Variants in MAGI2 observed in about 807,000 individuals in gnomAD.
MAGI2 encodes membrane-associated guanylate kinase, WW and PDZ domain-containing protein 2.
A neutral mutation model predicts 133.3 loss-of-function variants in MAGI2; 35 were observed. The ratio of observed to expected loss-of-function variants is 0.26; its 90% CI spans 0.20 to 0.35. The LOEUF (loss-of-function observed/expected upper bound fraction) is 0.35. Ranked by LOEUF, MAGI2 falls within the 10% of genes least tolerant of loss-of-function variation. MAGI2 has a pLI of 1.00. For missense variants in MAGI2, 1,636 were observed against 1,863.4 expected, an observed-to-expected ratio of 0.88 and a Z score of 2.25; for synonymous variants, 729 against 710.6, an observed-to-expected ratio of 1.03 and a Z score of -0.41.
intron 3 of MAGI2, among the ~76,000 whole-genome samples, chr7:78,566,548 AAAC>A (rs1440200593): frequency 4.0e-5 from 6 of 151,638 alleles, no homozygotes; most frequent in African/African-American, 1.5e-4. Flanking sequence ...AAAAAAAAAA[AAAC>A]AGAGGAAAAC....
At chr7:78,392,322 G>T (rs1190316918) in intron 6 of MAGI2, among the ~76,000 whole-genome samples, 2 of 152,132 alleles carry the variant, frequency 1.3e-5, no homozygotes, top group Non-Finnish European at 2.9e-5. Flanking sequence ...AAATAGAAGT[G>T]GGGGCTGTTA....
chr7:79,045,589 G>C (rs904573362), intron 1 of MAGI2, among the ~76,000 whole-genome samples: 1 of 152,168 alleles, frequency 6.6e-6, no homozygotes, highest in East Asian at 1.9e-4. Flanking sequence ...TCAGGAGATC[G>C]AGACCATCCT....
chr7:78,321,679 C>A (rs934439653), intron 9 of MAGI2, among the ~76,000 whole-genome samples: 3 of 152,050 alleles, frequency 2.0e-5, no homozygotes, highest in African/African-American at 7.2e-5. Context: ...AGAAGAAAAC[C>A]CAGGCAATAC....
At chr7:79,195,461 T>C (rs1827997920) in intron 1 of MAGI2, among the ~76,000 whole-genome samples, 1 of 152,056 alleles carries the variant, frequency 6.6e-6, no homozygotes, top group Admixed American at 6.6e-5. Context: ...ACACTTGTGG[T>C]GAAAGTGTGC....
At chr7:79,203,911 A>G (rs1828824050) in intron 1 of MAGI2, among the ~76,000 whole-genome samples, 1 of 152,066 alleles carries the variant, frequency 6.6e-6, no homozygotes. Context: ...AATTTGAACA[A>G]CAATCCATGC....
chr7:78,415,523 G>A (rs1429347856), intron 6 of MAGI2, among the ~76,000 whole-genome samples: 3 of 152,158 alleles, frequency 2.0e-5, no homozygotes, highest in African/African-American at 4.8e-5. Context: ...AAAATAATAA[G>A]TCTAGGTTGA....
chr7:78,975,004 C>T (rs142150072), intron 2 of MAGI2, among the ~76,000 whole-genome samples: 3,449 of 151,580 alleles, frequency 0.023, 130 homozygotes, highest in African/African-American at 0.078. Flanking sequence ...GTGTATGTAC[C>T]TAACCAAAGG....
intron 1 of MAGI2, among the ~76,000 whole-genome samples, chr7:79,165,397 T>C (rs1824814905): frequency 6.6e-6 from 1 of 152,018 alleles, no homozygotes; most frequent in Non-Finnish European, 1.5e-5. Flanking sequence ...ACTCAGCTTT[T>C]AAAAAAACCC....
At chr7:78,444,305 T>C (rs193182464) in intron 6 of MAGI2, among the ~76,000 whole-genome samples, 20 of 152,198 alleles carry the variant, frequency 1.3e-4, no homozygotes, top group African/African-American at 4.8e-4. Context: ...ACTTATGGAA[T>C]AGAGAGCCAC....
At chr7:78,764,065 A>C (rs1824773679) in intron 2 of MAGI2, among the ~76,000 whole-genome samples, 1 of 152,206 alleles carries the variant, frequency 6.6e-6, no homozygotes. Flanking sequence ...CAACTGGAAG[A>C]CCAGAGGAAA....
At chr7:78,665,738 C>CA (rs1813490122) in intron 2 of MAGI2, among the ~76,000 whole-genome samples, 1 of 151,866 alleles carries the variant, frequency 6.6e-6, no homozygotes, top group Non-Finnish European at 1.5e-5. Context: ...GATAAAATGC[C>CA]AAAATAATAC....
At chr7:79,094,405 G>A (rs1817346239) in intron 1 of MAGI2, among the ~76,000 whole-genome samples, 1 of 152,168 alleles carries the variant, frequency 6.6e-6, no homozygotes, top group South Asian at 2.1e-4. Flanking sequence ...TTTCACTGAA[G>A]TCTTAAACCA....
intron 1 of MAGI2, among the ~76,000 whole-genome samples, chr7:79,038,410 C>A (rs1019870443): frequency 6.6e-6 from 1 of 151,950 alleles, no homozygotes; most frequent in African/African-American, 2.4e-5. Flanking sequence ...TATTAATTTT[C>A]TTGATGATAA....
At chr7:78,042,950 C>T (rs1267399199) in intron 21 of MAGI2, among the ~76,000 whole-genome samples, 2 of 152,136 alleles carry the variant, frequency 1.3e-5, no homozygotes, top group African/African-American at 4.8e-5. Flanking sequence ...ACCAACATCC[C>T]CTTAAACCTT....
At chr7:78,904,526 T>C (rs942713958) in intron 2 of MAGI2, among the ~76,000 whole-genome samples, 4 of 41,262 alleles carry the variant, frequency 9.7e-5, no homozygotes, top group Admixed American at 2.1e-4. Context: ...AACGCAGTTC[T>C]TTTTTTTTTT....
intron 6 of MAGI2, among the ~76,000 whole-genome samples, chr7:78,380,032 A>G (rs912781737): frequency 2.0e-5 from 3 of 151,958 alleles, no homozygotes; most frequent in Non-Finnish European, 2.9e-5. Context: ...CAATTAAAAC[A>G]GTGACCAGAA....
chr7:79,436,770 C>T (rs1848172192), intron 1 of MAGI2, among the ~76,000 whole-genome samples: 1 of 152,130 alleles, frequency 6.6e-6, no homozygotes, highest in African/African-American at 2.4e-5. Flanking sequence ...AGTTCAATCC[C>T]TGTGGAAAGC....
intron 9 of MAGI2, among the ~76,000 whole-genome samples, chr7:78,311,284 G>T: frequency 6.6e-6 from 1 of 152,178 alleles, no homozygotes; most frequent in East Asian, 1.9e-4. Context: ...GCAGTGGGGA[G>T]GGTGGAAAAG....
At chr7:78,992,764 G>T (rs1805911096) in intron 2 of MAGI2, among the ~76,000 whole-genome samples, 1 of 151,906 alleles carries the variant, frequency 6.6e-6, no homozygotes, top group African/African-American at 2.4e-5. Context: ...TCTTTAATGA[G>T]CTTTGAGGCA....
Sources: allele counts gnomAD v4.1 joint callset (sites outside exome capture counted in the v4.1 genomes callset), GRCh38; gene constraint gnomAD v4.1.1; transcripts MANE v1.5; gene names NCBI Gene and HGNC (gene_info 2026-07-23, HGNC 2026-07-21).